The following FMN1 variants were observed in gnomAD, a reference collection of about 807,000 sequenced individuals.
FMN1 encodes formin-1.
Under a neutral mutation model 132.4 loss-of-function variants are expected in FMN1, and 110 were observed. That is an observed-to-expected ratio of 0.83 (90% CI 0.71 to 0.97). FMN1 has a LOEUF of 0.97. Ranked by LOEUF, FMN1 falls within the 50% of genes least tolerant of loss-of-function variation. The probability of loss-of-function intolerance (pLI) is 0.00; values close to 1 mark genes in which losing one functional copy is unlikely to be tolerated. For missense variants in FMN1, 1,792 were observed against 1,705.3 expected (o/e 1.05, Z -0.90); for synonymous variants, 722 against 651.7 (o/e 1.11, Z -1.64).
intron 3 of FMN1, among the ~76,000 whole-genome samples, chr15:33,155,570 C>T (rs914641238): frequency 6.6e-6 from 1 of 152,192 alleles, no homozygotes; most frequent in Non-Finnish European, 1.5e-5. Context: ...GAGGAAAGAT[C>T]TTAGGCCCCA....
At chr15:32,951,511 C>T (rs1196965458) in intron 9 of FMN1, among the ~76,000 whole-genome samples, 1 of 151,984 alleles carries the variant, frequency 6.6e-6, no homozygotes, top group Admixed American at 6.6e-5. Flanking sequence ...CCCTGGGGTC[C>T]AGGAACCATA....
chr15:33,114,903 C>G (rs1463392219), intron 4 of FMN1, among the ~76,000 whole-genome samples: 1 of 141,280 alleles, frequency 7.1e-6, no homozygotes, highest in Non-Finnish European at 1.6e-5. Flanking sequence ...GCAAGCATCT[C>G]TACGTTACTG....
chr15:32,839,453 T>C (rs969001046), intron 17 of FMN1, among the ~76,000 whole-genome samples: 9 of 152,100 alleles, frequency 5.9e-5, no homozygotes, highest in Non-Finnish European at 1.0e-4. Flanking sequence ...TAGACTGGAC[T>C]GTAAACAACT....
At chr15:32,981,319 G>A (rs114347790) in intron 7 of FMN1, among the ~76,000 whole-genome samples, 2,071 of 151,698 alleles carry the variant, frequency 0.014, 40 homozygotes, top group African/African-American at 0.047. Flanking sequence ...GTGAAACTGC[G>A]TCTCTACTAA....
intron 4 of FMN1, among the ~76,000 whole-genome samples, chr15:33,122,359 C>A (rs1048135685): frequency 1.3e-5 from 2 of 152,170 alleles, no homozygotes; most frequent in Non-Finnish European, 2.9e-5. Flanking sequence ...TTAACCCAGG[C>A]ATGTATTAAA....
At position 32,778,177 on chromosome 15, in the gene FMN1, TTTA is replaced by T. The variant is rs1274830941; in HGVS notation, c.4131-1261_4131-1259del. 8.0e-4 allele frequency among the ~76,000 whole-genome samples: 81 copies of T among 101,582 alleles called. 12 individuals carry two copies. The highest frequency in any genetic ancestry group is 3.4e-3 in the Admixed American group (32 of 9,502). The allele number at this position is 101,582 out of a possible 152,430, so 66.6% of individuals were successfully genotyped here. A position where few individuals can be genotyped will look rare whatever the true frequency, so the allele number is the denominator to read the frequency against. On this transcript the variant is annotated intron_variant, in intron 19 of 20. Coordinates refer to ENST00000616417, the MANE Select transcript of FMN1 (RefSeq NM_001277313.2). ...CATTTATTATATATTATATAATACATTTATTTATATATTATATAATACATTTAT... is the reference window on the plus strand; with the variant it reads ...CATTTATTATATATTATATAATACATTTTATATATTATATAATACATTTAT...
intron 6 of FMN1, among the ~76,000 whole-genome samples, chr15:33,058,032 G>A (rs1209220632): frequency 6.7e-6 from 1 of 148,232 alleles, no homozygotes; most frequent in Non-Finnish European, 1.5e-5. Context: ...GTGGAAAGGC[G>A]TGGCGGGCTG....
At chr15:33,162,850 C>G (rs2140303799) in intron 3 of FMN1, among the ~76,000 whole-genome samples, 1 of 152,334 alleles carries the variant, frequency 6.6e-6, no homozygotes, top group African/African-American at 2.4e-5. Context: ...GGCGTGGTGG[C>G]TCACGCCTGT....
rs753118665 is a variant in FMN1 at position 32,964,048 on chromosome 15, C to CACACACACACACACACAT, written c.3138+58_3138+59insATGTGTGTGTGTGTGTGT. ...ACACACACACACACACACACACACA[C>CACACACACACACACACAT]ATATATACCATTTCCCTGTATAATA... On this transcript the variant is annotated intron_variant, in intron 9 of 20. Transcript: ENST00000616417. 10 of 1,124,916 alleles carry CACACACACACACACACAT rather than the reference C, an allele frequency of 8.9e-6. No individual in the cohort carries two copies. In the African/African-American group the frequency reaches 1.1e-4, roughly 12 times the overall value. 69.7% of individuals were successfully genotyped at this position (1,124,916 alleles called of 1,614,324 possible).
intron 5 of FMN1, among the ~76,000 whole-genome samples, chr15:33,072,784 A>G (rs2038047028): frequency 6.6e-6 from 1 of 152,104 alleles, no homozygotes; most frequent in African/African-American, 2.4e-5. Flanking sequence ...TTAGCCAGGC[A>G]TGGTGGTGGG....
rs966865750 is a variant in FMN1 at position 33,007,698 on chromosome 15, GA to G, written c.2223+315del. 1.5e-3 allele frequency among the ~76,000 whole-genome samples: 228 copies of G among 150,834 alleles called. 2 individuals are homozygous for G. Among genetic ancestry groups the G allele is most frequent in the African/African-American group, 5.0e-3 (207 of 41,166 alleles). ...ACAAAAATAACTTCCATCGTACCTA[GA>G]AAAAAAAACTTCTACTATATTTTAT... On this transcript the variant is annotated intron_variant, in intron 7 of 20. Transcript: ENST00000616417.
chr15:32,904,079 G>A (rs1006794495), intron 12 of FMN1, among the ~76,000 whole-genome samples: 1 of 152,134 alleles, frequency 6.6e-6, no homozygotes, highest in African/African-American at 2.4e-5. Flanking sequence ...GAAGATCTGA[G>A]AACAGAGCTT....
chr15:33,059,358 G>A (rs1426777728), intron 6 of FMN1, among the ~76,000 whole-genome samples: 1 of 152,190 alleles, frequency 6.6e-6, no homozygotes, highest in Non-Finnish European at 1.5e-5. Flanking sequence ...ATGAACATGG[G>A]AGTGCAGTTC....
chr15:32,804,731 A>G (rs1451845807), intron 17 of FMN1, among the ~76,000 whole-genome samples: 2 of 135,770 alleles, frequency 1.5e-5, no homozygotes, highest in East Asian at 2.1e-4. Context: ...TCACTGTTCA[A>G]CTCCCACCTA....
intron 16 of FMN1, among the ~76,000 whole-genome samples, chr15:32,883,562 G>C (rs1311957443): frequency 8.6e-6 from 1 of 116,778 alleles, no homozygotes; most frequent in Non-Finnish European, 1.8e-5. Flanking sequence ...CAAGCGGTAA[G>C]TAATGACATG....
intron 17 of FMN1, among the ~76,000 whole-genome samples, chr15:32,821,291 A>G (rs1333828854): frequency 6.6e-6 from 1 of 151,894 alleles, no homozygotes; most frequent in Non-Finnish European, 1.5e-5. Context: ...ATTAATCCTC[A>G]TATTTATTTT....
chr15:33,073,676 T>G (rs1322145600), intron 5 of FMN1, among the ~76,000 whole-genome samples: 3 of 151,428 alleles, frequency 2.0e-5, no homozygotes, highest in Non-Finnish European at 4.4e-5. Context: ...TTGGGTAGAA[T>G]CCAGTTGTTG....
intron 3 of FMN1, among the ~76,000 whole-genome samples, chr15:33,158,790 G>C (rs1964778338): frequency 6.6e-6 from 1 of 152,220 alleles, no homozygotes. Flanking sequence ...GGTAAGACTA[G>C]TGGTATAAAT....
At chr15:32,935,135 C>A (rs1239029623) in intron 9 of FMN1, among the ~76,000 whole-genome samples, 2 of 152,102 alleles carry the variant, frequency 1.3e-5, no homozygotes, top group African/African-American at 4.8e-5. Context: ...GTTGGGAAGG[C>A]TGGTCTCAAA....
Sources: gnomAD v4.1 joint callset for allele counts (sites outside exome capture counted in the v4.1 genomes callset) on GRCh38, gnomAD v4.1.1 for gene constraint, MANE v1.5 for transcripts, NCBI Gene and HGNC (gene_info 2026-07-23, HGNC 2026-07-21) for gene names.